Variants in THEMIS observed in about 807,000 individuals in gnomAD.
THEMIS encodes the protein thymocyte selection associated.
A neutral mutation model predicts 52.6 loss-of-function variants in THEMIS; 37 were observed. That is an observed-to-expected ratio of 0.70 (90% CI 0.54 to 0.93). The LOEUF (loss-of-function observed/expected upper bound fraction) is 0.93, where lower values mean the gene tolerates loss of function less well. Ranked by LOEUF, THEMIS falls within the 40% of genes least tolerant of loss-of-function variation. The probability of loss-of-function intolerance (pLI) is 0.00; values close to 1 mark genes in which losing one functional copy is unlikely to be tolerated. For missense variants in THEMIS, 808 were observed against 763.1 expected (o/e 1.06, Z -0.69); for synonymous variants, 292 against 272.7 (o/e 1.07, Z -0.70).
At chr6:127,794,994 T>C (rs1339633501) in intron 4 of THEMIS, among the ~76,000 whole-genome samples, 1 of 152,224 alleles carries the variant, frequency 6.6e-6, no homozygotes, top group Non-Finnish European at 1.5e-5. Flanking sequence ...AAAGAAAGAC[T>C]TGACGGAAAG....
intron 4 of THEMIS, among the ~76,000 whole-genome samples, chr6:127,726,328 C>T (rs560485159): frequency 1.5e-4 from 23 of 152,204 alleles, no homozygotes; most frequent in African/African-American, 5.5e-4. Flanking sequence ...GAGAAGACAG[C>T]ACCCCATCTC....
At chr6:127,884,470 A>G (rs908371929) in intron 1 of THEMIS, among the ~76,000 whole-genome samples, 3 of 152,042 alleles carry the variant, frequency 2.0e-5, no homozygotes, top group Non-Finnish European at 4.4e-5. Flanking sequence ...TTACTCTTTC[A>G]ATTAATGTTT....
intron 4 of THEMIS, among the ~76,000 whole-genome samples, chr6:127,769,357 T>C (rs552241224): frequency 5.3e-5 from 8 of 151,906 alleles, no homozygotes; most frequent in African/African-American, 1.9e-4. Flanking sequence ...TTTTTGTTTT[T>C]TTTTTTTGTT....
intron 4 of THEMIS, among the ~76,000 whole-genome samples, chr6:127,810,867 G>C (rs1399024899): frequency 1.5e-5 from 2 of 134,436 alleles, no homozygotes; most frequent in African/African-American, 5.1e-5. Context: ...TTAGCAGTAG[G>C]CTGGAAAAAA....
intron 4 of THEMIS, among the ~76,000 whole-genome samples, chr6:127,722,901 ATTCTGTC>A (rs1470139712): frequency 6.6e-6 from 1 of 151,976 alleles, no homozygotes; most frequent in Non-Finnish European, 1.5e-5. Context: ...CTACATAAAC[ATTCTGTC>A]TGATTCATCC....
At chr6:127,797,073 AC>A (rs1367096305) in intron 4 of THEMIS, among the ~76,000 whole-genome samples, 1 of 152,222 alleles carries the variant, frequency 6.6e-6, no homozygotes, top group Non-Finnish European at 1.5e-5. Flanking sequence ...TTTTAAGTCT[AC>A]AGAAGAGAAG....
intron 2 of THEMIS, among the ~76,000 whole-genome samples, chr6:127,838,395 C>T (rs760209119): frequency 2.0e-5 from 3 of 151,980 alleles, no homozygotes; most frequent in East Asian, 1.9e-4. Context: ...AAGCTTTGTC[C>T]ATTTTCCTAT....
At chr6:127,838,676 G>A (rs926705880) in intron 2 of THEMIS, among the ~76,000 whole-genome samples, 5 of 151,974 alleles carry the variant, frequency 3.3e-5, no homozygotes, top group Middle Eastern at 6.8e-3. Flanking sequence ...CTTTTGCTAT[G>A]GTATAATGTT....
At chr6:127,822,268 C>T (rs1243779081) in intron 3 of THEMIS, among the ~76,000 whole-genome samples, 1 of 151,954 alleles carries the variant, frequency 6.6e-6, no homozygotes, top group Non-Finnish European at 1.5e-5. Context: ...CTTTACAGTT[C>T]ATTCATTTGA....
At chr6:127,803,799 C>T (rs890049303) in intron 4 of THEMIS, among the ~76,000 whole-genome samples, 9 of 152,162 alleles carry the variant, frequency 5.9e-5, no homozygotes, top group South Asian at 2.1e-4. Context: ...AATAGCATGT[C>T]GGTAGGAAGG....
chr6:127,853,786 A>G (rs1300440037), intron 2 of THEMIS, among the ~76,000 whole-genome samples: 2 of 151,640 alleles, frequency 1.3e-5, no homozygotes, highest in Non-Finnish European at 3.0e-5. Flanking sequence ...AGCCCTCCCA[A>G]TAACACTAGG....
At chr6:127,847,419 A>G (rs1562296957) in intron 2 of THEMIS, among the ~76,000 whole-genome samples, 2 of 152,066 alleles carry the variant, frequency 1.3e-5, no homozygotes, top group African/African-American at 4.8e-5. Flanking sequence ...CAGATCTGAT[A>G]AACAAATTTA....
At chr6:127,835,370 GCC>G (rs1778842188) in intron 2 of THEMIS, among the ~76,000 whole-genome samples, 2 of 152,200 alleles carry the variant, frequency 1.3e-5, no homozygotes, top group South Asian at 4.2e-4. Context: ...TCTGGCCTCA[GCC>G]CCTTCCTTAA....
At chr6:127,894,737 C>G (rs1428604009) in intron 1 of THEMIS, among the ~76,000 whole-genome samples, 1 of 151,388 alleles carries the variant, frequency 6.6e-6, no homozygotes, top group Non-Finnish European at 1.5e-5. Flanking sequence ...GTAGGTCATC[C>G]AGGAGCACTC....
chr6:127,834,359 G>A (rs1286030111), intron 2 of THEMIS, among the ~76,000 whole-genome samples: 1 of 149,620 alleles, frequency 6.7e-6, no homozygotes, highest in African/African-American at 2.5e-5. Flanking sequence ...ATCATTTGAG[G>A]TCAGGAGTTC....
At chr6:127,717,800 C>A (rs1351247308) in intron 5 of THEMIS, among the ~76,000 whole-genome samples, 1 of 149,110 alleles carries the variant, frequency 6.7e-6, no homozygotes, top group African/African-American at 2.4e-5. Context: ...AAAAGCAAAG[C>A]AGCACCCCTA....
downstream of THEMIS, among the ~76,000 whole-genome samples, chr6:127,704,865 A>G (rs1466080224): frequency 1.3e-5 from 2 of 152,218 alleles, no homozygotes; most frequent in Non-Finnish European, 2.9e-5. Flanking sequence ...TAAACAACTA[A>G]TAAAATGAAG....
At chr6:127,910,889 G>A (rs1380593391) in intron 1 of THEMIS, among the ~76,000 whole-genome samples, 1 of 151,946 alleles carries the variant, frequency 6.6e-6, no homozygotes, top group Admixed American at 6.6e-5. Context: ...ATTGCCTTTG[G>A]CCATTATGTC....
At chr6:127,787,880 T>TAGATAGATATAGATAGATAG (rs200767496) in intron 4 of THEMIS, among the ~76,000 whole-genome samples, 94 of 119,994 alleles carry the variant, frequency 7.8e-4, no homozygotes, top group African/African-American at 1.8e-3. Flanking sequence ...GATAGATAGA[T>TAGATAGATATAGATAGATAG]ATAGATAGAT....
Sources: allele counts gnomAD v4.1 joint callset (sites outside exome capture counted in the v4.1 genomes callset), GRCh38; gene constraint gnomAD v4.1.1; transcripts MANE v1.5; gene names NCBI Gene and HGNC (gene_info 2026-07-23, HGNC 2026-07-21).